The following GOPC variants were observed in gnomAD, a reference collection of about 807,000 sequenced individuals.
The protein encoded by GOPC is golgi associated PDZ and coiled-coil motif containing, also known as Golgi-associated PDZ and coiled-coil motif-containing protein.
Under a neutral mutation model 51.2 loss-of-function variants are expected in GOPC, and 32 were observed. The ratio of observed to expected loss-of-function variants is 0.63; its 90% CI spans 0.47 to 0.84. The LOEUF is 0.84. GOPC is among the 40% of genes least tolerant of loss of function. GOPC has a pLI of 0.00. For missense variants in GOPC, 441 were observed against 555.5 expected (o/e 0.79, Z 2.07); for synonymous variants, 190 against 205.1 (o/e 0.93, Z 0.63).
rs1779574929 is a variant in GOPC, at chr6:117,561,033, ACTTT to A, written c.*2217_*2220del. 4.5e-6 allele frequency: 1 copy of A among 220,220 alleles called. No individual in the cohort carries two copies. Among genetic ancestry groups the A allele is most frequent in the African/African-American group, 2.2e-5 (1 of 44,636 alleles). 13.6% of individuals were successfully genotyped at this position (220,220 alleles called of 1,614,324 possible). A position where few individuals can be genotyped will look rare whatever the true frequency, so the allele number is the denominator to read the frequency against. ...TTCTAAAATGAACTTTTAACTAGTTACTTTCTAACACCGGACAGGAAGCTCACAG... is the reference window on the plus strand; with the variant it reads ...TTCTAAAATGAACTTTTAACTAGTTACTAACACCGGACAGGAAGCTCACAG... On this transcript the variant is annotated 3_prime_UTR_variant, in exon 9 of 9. Coordinates refer to ENST00000368498, the MANE Select transcript of GOPC (RefSeq NM_020399.4).
At chr6:117,567,105 T>C (rs1236049558) in intron 7 of GOPC, 71 bp from the exon 8 acceptor site, 1 of 1,177,146 alleles carries the variant, frequency 8.5e-7, no homozygotes, top group Non-Finnish European at 1.2e-6. Flanking sequence ...TCCAAATTCT[T>C]TGTGGGAAGG....
chr6:117,570,847 T>A lies in GOPC; in HGVS notation c.912+13A>T, dbSNP rs747487406. 13 of 1,295,440 alleles carry A rather than the reference T, an allele frequency of 1.0e-5. No individual in the cohort carries two copies. The highest frequency in any genetic ancestry group is 1.1e-5 in the Non-Finnish European group (10 of 914,234). The allele number at this position is 1,295,440 out of a possible 1,614,324, so 80.2% of individuals were successfully genotyped here. On this transcript the variant is annotated intron_variant, in intron 6 of 8. Coordinates refer to ENST00000368498, the MANE Select transcript of GOPC (RefSeq NM_020399.4). Reference sequence around the variant, plus strand: ...TAACTGTAGAAAATGATACTGGAAGTACTACTTCTTACTGTAATTGAAATG... The same window carrying A: ...TAACTGTAGAAAATGATACTGGAAGAACTACTTCTTACTGTAATTGAAATG...
intron 7 of GOPC, among the ~76,000 whole-genome samples, chr6:117,569,069 G>A (rs1779755246): frequency 6.6e-6 from 1 of 152,172 alleles, no homozygotes; most frequent in Admixed American, 6.5e-5. Flanking sequence ...TGGCAACTTT[G>A]AGTAAATCCT....
chr6:117,590,571 C>CAAAAAAAAAAAA (rs563071906), intron 1 of GOPC, among the ~76,000 whole-genome samples: 2 of 69,514 alleles, frequency 2.9e-5, no homozygotes, highest in Admixed American at 1.7e-4. Context: ...GACCCTGTCT[C>CAAAAAAAAAAAA]AAAAAAAAAA....
rs1413860161 is a variant in GOPC at position 117,560,319 on chromosome 6, A to C, written c.*2935T>G. On this transcript the variant is annotated 3_prime_UTR_variant, in exon 9 of 9. Transcript: ENST00000368498. ...TATTTAAAAAAATGAGATCAATATC[A>C]TTTTAATGTAGAAGATGCCATCTTT... is the stretch of plus-strand genomic sequence containing the variant. 2 of 178,042 alleles carry C rather than the reference A, an allele frequency of 1.1e-5. No individual in the cohort carries two copies. Among genetic ancestry groups the C allele is most frequent in the Admixed American group, 1.3e-4 (2 of 15,846 alleles). 11.0% of individuals were successfully genotyped at this position (178,042 alleles called of 1,614,324 possible).
At chr6:117,588,807 T>C (rs1393800653) in intron 1 of GOPC, among the ~76,000 whole-genome samples, 2 of 150,046 alleles carry the variant, frequency 1.3e-5, no homozygotes, top group African/African-American at 4.9e-5. Flanking sequence ...TATTTATACA[T>C]ATAACCCACA....
intron 1 of GOPC, among the ~76,000 whole-genome samples, chr6:117,598,293 G>A (rs1246609700): frequency 4.6e-5 from 7 of 151,850 alleles, no homozygotes; most frequent in Non-Finnish European, 1.0e-4. Flanking sequence ...GGGATCAACT[G>A]AGCTGGGAGT....
intron 1 of GOPC, among the ~76,000 whole-genome samples, chr6:117,601,006 G>A (rs1219467775): frequency 6.6e-6 from 1 of 152,156 alleles, no homozygotes; most frequent in African/African-American, 2.4e-5. Flanking sequence ...CATTCATATT[G>A]ATATAGATAT....
At chr6:117,587,796 G>C (rs1780055261) in intron 1 of GOPC, among the ~76,000 whole-genome samples, 1 of 152,088 alleles carries the variant, frequency 6.6e-6, no homozygotes, top group Non-Finnish European at 1.5e-5. Flanking sequence ...AGTCAATGCA[G>C]TGGCACCAAG....
chr6:117,600,247 T>C (rs1028794748), intron 1 of GOPC, among the ~76,000 whole-genome samples: 3 of 152,176 alleles, frequency 2.0e-5, no homozygotes, highest in African/African-American at 7.2e-5. Flanking sequence ...TACTCAGGTC[T>C]TTCTTCCTCT....
rs1436189985 is a variant in GOPC, at chr6:117,562,854, T to C, written c.*400A>G. On this transcript the variant is annotated 3_prime_UTR_variant, in exon 9 of 9. Transcript: ENST00000368498. The stretch of plus-strand genomic sequence containing the variant: ...ATACCACAGTTAACATTCTAGAATA[T>C]AAAATATGAATTCACTTACTCTCTG... The C allele has an allele frequency of 4.6e-6, 1 of 218,462 alleles. No homozygotes were observed. Among genetic ancestry groups the C allele is most frequent in the East Asian group, 6.9e-5 (1 of 14,598 alleles). The allele number at this position is 218,462 out of a possible 1,614,324, so 13.5% of individuals were successfully genotyped here.
chr6:117,573,756 C>T (rs930800356), intron 4 of GOPC, 124 bp from the exon 5 acceptor site: 6 of 694,998 alleles, frequency 8.6e-6, no homozygotes, highest in Admixed American at 3.1e-5. Context: ...CTAATACTCA[C>T]GAACTTCTTG....
intron 1 of GOPC, among the ~76,000 whole-genome samples, chr6:117,593,684 A>T (rs1438497861): frequency 6.6e-6 from 1 of 152,224 alleles, no homozygotes; most frequent in African/African-American, 2.4e-5. Flanking sequence ...TGGATGAATC[A>T]GTCTATGTAA....
chr6:117,600,541 T>C (rs915367779), intron 1 of GOPC, among the ~76,000 whole-genome samples: 2 of 152,198 alleles, frequency 1.3e-5, no homozygotes, highest in Admixed American at 6.5e-5. Context: ...CAGTAGCTCA[T>C]GTCTGTAATC....
chr6:117,601,998 G>A lies in GOPC; in HGVS notation c.285+6C>T, dbSNP rs1772022588. Reference sequence around the variant, plus strand: ...GATGCCATAGCCGCCAGCACCCACGGCTCACCTCCAGCTTGTGGTTGATTT... The same window carrying A: ...GATGCCATAGCCGCCAGCACCCACGACTCACCTCCAGCTTGTGGTTGATTT... On this transcript the variant is annotated splice_donor_region_variant and intron_variant, in intron 1 of 8. Transcript: ENST00000368498. The A allele has an allele frequency of 1.9e-6, 3 of 1,613,126 alleles. No homozygotes were observed. The highest frequency in any genetic ancestry group is 2.2e-5 in the East Asian group (1 of 44,870).
intron 1 of GOPC, among the ~76,000 whole-genome samples, chr6:117,595,668 T>C (rs1780186742): frequency 6.6e-6 from 1 of 152,168 alleles, no homozygotes; most frequent in South Asian, 2.1e-4. Context: ...CTGAGTTACT[T>C]CATTTAGATA....
chr6:117,578,189 TCTTC>T (rs1779909794), intron 2 of GOPC, among the ~76,000 whole-genome samples: 1 of 152,132 alleles, frequency 6.6e-6, no homozygotes, highest in Non-Finnish European at 1.5e-5. Flanking sequence ...ATTTCTTACT[TCTTC>T]CTTATTAACA....
intron 1 of GOPC, among the ~76,000 whole-genome samples, chr6:117,583,968 T>C (rs1779995343): frequency 1.3e-5 from 2 of 152,230 alleles, no homozygotes. Context: ...CATATAGCAT[T>C]CAATATTATT....
At chr6:117,597,789 A>G (rs1780222046) in intron 1 of GOPC, among the ~76,000 whole-genome samples, 1 of 152,200 alleles carries the variant, frequency 6.6e-6, no homozygotes, top group African/African-American at 2.4e-5. Flanking sequence ...GCCCCCTAAA[A>G]AGGAAATCAG....
Sources: allele counts gnomAD v4.1 joint callset (sites outside exome capture counted in the v4.1 genomes callset), GRCh38; gene constraint gnomAD v4.1.1; transcripts MANE v1.5; gene names NCBI Gene and HGNC (gene_info 2026-07-23, HGNC 2026-07-21).